The following PTPRD variants were observed in gnomAD, a reference collection of about 807,000 sequenced individuals.
PTPRD encodes receptor-type tyrosine-protein phosphatase delta.
Under a neutral mutation model 214.5 loss-of-function variants are expected in PTPRD, and 34 were observed. That is an observed-to-expected ratio of 0.16 (90% CI 0.12 to 0.21). PTPRD has a LOEUF of 0.21. PTPRD is among the 10% of genes least tolerant of loss of function. The pLI, the probability that PTPRD is intolerant of heterozygous loss-of-function variation, is 1.00. For missense variants in PTPRD, 2,545 were observed against 2,398.7 expected, an observed-to-expected ratio of 1.06 and a Z score of -1.27; for synonymous variants, 1,128 against 845.7, an observed-to-expected ratio of 1.33 and a Z score of -5.79.
At chr9:10,113,037 G>A (rs1408565898) in intron 3 of PTPRD, among the ~76,000 whole-genome samples, 1 of 152,144 alleles carries the variant, frequency 6.6e-6, no homozygotes, top group Non-Finnish European at 1.5e-5. Context: ...CCATCATCTG[G>A]GTTATAGTGA....
At chr9:9,019,594 T>C (rs761065582) in intron 10 of PTPRD, among the ~76,000 whole-genome samples, 1 of 152,214 alleles carries the variant, frequency 6.6e-6, no homozygotes, top group African/African-American at 2.4e-5. Context: ...TAATCCCAGC[T>C]ACTCAGGAGG....
At chr9:10,207,259 T>C (rs2099487788) in intron 3 of PTPRD, among the ~76,000 whole-genome samples, 1 of 128,810 alleles carries the variant, frequency 7.8e-6, no homozygotes, top group African/African-American at 3.3e-5. Context: ...TTATAGATAA[T>C]GCATTTTTTT....
chr9:8,719,261 C>T (rs7866922), intron 12 of PTPRD, among the ~76,000 whole-genome samples: 76,071 of 152,012 alleles, frequency 0.5, 19,297 homozygotes, highest in Non-Finnish European at 0.54. Flanking sequence ...TGAAGCACCC[C>T]CAAAAGACAT....
At chr9:8,702,413 A>G (rs1038940919) in intron 12 of PTPRD, among the ~76,000 whole-genome samples, 1 of 152,136 alleles carries the variant, frequency 6.6e-6, no homozygotes, top group East Asian at 1.9e-4. Context: ...GATTCATTCA[A>G]CAAACATTTA....
chr9:10,568,230 C>T (rs1360946577), intron 2 of PTPRD, among the ~76,000 whole-genome samples: 1 of 149,250 alleles, frequency 6.7e-6, no homozygotes, highest in East Asian at 2.0e-4. Flanking sequence ...GGTTTTTTGT[C>T]CTTGTGATAG....
At chr9:9,062,878 C>T (rs931480092) in intron 10 of PTPRD, among the ~76,000 whole-genome samples, 2 of 152,088 alleles carry the variant, frequency 1.3e-5, no homozygotes, top group Non-Finnish European at 1.5e-5. Flanking sequence ...AAATAACTTC[C>T]GCTTATGTCA....
chr9:8,489,117 T>C (rs2097097269), intron 27 of PTPRD, among the ~76,000 whole-genome samples: 1 of 152,224 alleles, frequency 6.6e-6, no homozygotes, highest in African/African-American at 2.4e-5. Flanking sequence ...AACTGATGTT[T>C]CACTTTATAA....
In PTPRD at chr9:9,316,775, C is replaced by A. The variant is rs139163581; in HGVS notation, c.-203+80674G>T. Among the ~76,000 whole-genome samples, 754 of 152,256 alleles carry A rather than the reference C, an allele frequency of 5.0e-3. 4 individuals are homozygous for A. The highest frequency in any genetic ancestry group is 0.017 in the African/African-American group (718 of 41,552). ...TAAAATAACACAATCAGATGCATTTCCCAAATTATTGTCATCGTATGGTAA... is the reference window on the plus strand; with the variant it reads ...TAAAATAACACAATCAGATGCATTTACCAAATTATTGTCATCGTATGGTAA... On this transcript the variant is annotated intron_variant, in intron 9 of 45. Coordinates refer to ENST00000381196, the MANE Select transcript of PTPRD (RefSeq NM_002839.4).
chr9:8,341,783 T>G lies in PTPRD; in HGVS notation c.4857A>C (p.Glu1619Asp). The G allele has an allele frequency of 1.2e-6, 2 of 1,613,658 alleles. No homozygotes were observed. Among genetic ancestry groups the G allele is most frequent in the Middle Eastern group, 1.6e-4 (1 of 6,062 alleles). Reference sequence around the variant, plus strand: ...AGGCATACAAGTTTCTAGCTGGCACTTCGGTATTTCCACAAGTCACTGCTT... The same window carrying G: ...AGGCATACAAGTTTCTAGCTGGCACGTCGGTATTTCCACAAGTCACTGCTT... ...LLEAVTCGNT[E>D]VPARNLYAYI... Residue 1619 changes from glutamate (E) to aspartate (D), a missense_variant, in exon 40 of 46, where the codon GAA (glutamate) becomes GAC (aspartate). Transcript: ENST00000381196.
intron 5 of PTPRD, among the ~76,000 whole-genome samples, chr9:9,905,642 CA>C (rs1230391108): frequency 6.6e-6 from 1 of 151,930 alleles, no homozygotes; most frequent in Non-Finnish European, 1.5e-5. Context: ...CTATAAAACT[CA>C]GCACAAAACC....
intron 39 of PTPRD, among the ~76,000 whole-genome samples, chr9:8,350,985 T>C (rs892117310): frequency 2.0e-5 from 3 of 151,882 alleles, no homozygotes; most frequent in Admixed American, 6.6e-5. Context: ...CACGGAGGTC[T>C]ATCTACACAT....
chr9:10,148,522 T>G (rs1232316385), intron 3 of PTPRD, among the ~76,000 whole-genome samples: 2 of 152,162 alleles, frequency 1.3e-5, no homozygotes, highest in Non-Finnish European at 2.9e-5. Context: ...GTATCATTTC[T>G]CAAGAAGATA....
intron 2 of PTPRD, among the ~76,000 whole-genome samples, chr9:10,353,297 A>T (rs2097213361): frequency 6.6e-6 from 1 of 151,972 alleles, no homozygotes; most frequent in Non-Finnish European, 1.5e-5. Flanking sequence ...AAAACTTACA[A>T]TAATGGTCCT....
intron 37 of PTPRD, among the ~76,000 whole-genome samples, chr9:8,378,261 A>G (rs908277858): frequency 6.6e-6 from 1 of 152,054 alleles, no homozygotes; most frequent in African/African-American, 2.4e-5. Flanking sequence ...AACATAGGGA[A>G]ATGATAATTC....
intron 11 of PTPRD, among the ~76,000 whole-genome samples, chr9:8,790,782 G>A (rs1415901160): frequency 6.6e-6 from 1 of 150,678 alleles, no homozygotes; most frequent in Admixed American, 6.6e-5. Context: ...AAAAAAAGGG[G>A]GTAGTGACAA....
intron 3 of PTPRD, among the ~76,000 whole-genome samples, chr9:10,264,854 G>A (rs1194380462): frequency 6.6e-6 from 1 of 152,098 alleles, no homozygotes; most frequent in Non-Finnish European, 1.5e-5. Flanking sequence ...TTGTGGGAGG[G>A]ACCCAGGGGG....
intron 9 of PTPRD, among the ~76,000 whole-genome samples, chr9:9,184,122 T>C (rs2099929935): frequency 6.6e-6 from 1 of 152,026 alleles, no homozygotes; most frequent in Non-Finnish European, 1.5e-5. Context: ...CCCAGCAAAG[T>C]TGTCATCTCA....
intron 10 of PTPRD, among the ~76,000 whole-genome samples, chr9:9,108,126 C>A (rs995961441): frequency 3.3e-5 from 5 of 152,066 alleles, no homozygotes; most frequent in Non-Finnish European, 5.9e-5. Flanking sequence ...ATACTATTTC[C>A]AAGCCTGCAG....
intron 12 of PTPRD, among the ~76,000 whole-genome samples, chr9:8,685,228 C>A (rs1333552470): frequency 2.7e-5 from 4 of 149,940 alleles, no homozygotes; most frequent in African/African-American, 7.4e-5. Context: ...AAAAAGGCCT[C>A]TACAAAGAAG....
Sources: gnomAD v4.1 joint callset for allele counts (sites outside exome capture counted in the v4.1 genomes callset) on GRCh38, gnomAD v4.1.1 for gene constraint, MANE v1.5 for transcripts, NCBI Gene and HGNC (gene_info 2026-07-23, HGNC 2026-07-21) for gene names.